The following PHF21A variants were observed in gnomAD, a reference collection of about 807,000 sequenced individuals.
PHF21A encodes the protein BHC80a.
Under a neutral mutation model 82.5 loss-of-function variants are expected in PHF21A, and 11 were observed. That is an observed-to-expected ratio of 0.13 (90% CI 0.08 to 0.22). The LOEUF is 0.22. PHF21A is among the 10% of genes least tolerant of loss of function. The probability of loss-of-function intolerance (pLI) is 1.00; values close to 1 mark genes in which losing one functional copy is unlikely to be tolerated. For synonymous variants in PHF21A, 297 were observed against 302.8 expected (o/e 0.98, Z 0.20); for missense variants, 579 against 837.8 (o/e 0.69, Z 3.81).
intron 6 of PHF21A, among the ~76,000 whole-genome samples, chr11:45,989,427 G>C (rs1321931313): frequency 6.7e-6 from 1 of 148,896 alleles, no homozygotes; most frequent in African/African-American, 2.5e-5. Context: ...GGCCGAAGTG[G>C]GCAGATCACA....
intron 6 of PHF21A, among the ~76,000 whole-genome samples, chr11:45,998,679 A>C (rs1032280781): frequency 6.6e-6 from 1 of 151,066 alleles, no homozygotes; most frequent in Admixed American, 6.6e-5. Flanking sequence ...TGCCCAGCTA[A>C]TTTTGTATTT....
intron 6 of PHF21A, among the ~76,000 whole-genome samples, chr11:46,000,716 T>TA (rs1411734321): frequency 1.3e-5 from 2 of 152,076 alleles, no homozygotes; most frequent in African/African-American, 4.8e-5. Context: ...GGTTTGGAGT[T>TA]AGAGACCAGC....
intron 6 of PHF21A, among the ~76,000 whole-genome samples, chr11:46,028,280 TG>T (rs2095792377): frequency 6.6e-6 from 1 of 152,190 alleles, no homozygotes; most frequent in African/African-American, 2.4e-5. Flanking sequence ...TTTAAAGTCA[TG>T]GTTCTTTTGA....
intron 6 of PHF21A, among the ~76,000 whole-genome samples, chr11:46,000,390 G>A (rs941307707): frequency 1.3e-5 from 2 of 152,168 alleles, no homozygotes; most frequent in African/African-American, 4.8e-5. Flanking sequence ...AGTACTCATA[G>A]CACTTCTGAA....
chr11:46,113,580 A>G (rs1340740044), intron 1 of PHF21A, among the ~76,000 whole-genome samples: 1 of 152,224 alleles, frequency 6.6e-6, no homozygotes, highest in Non-Finnish European at 1.5e-5. Context: ...CTGTAATCCC[A>G]ACACTTTAGG....
At chr11:46,037,565 C>T (rs889487676) in intron 6 of PHF21A, among the ~76,000 whole-genome samples, 6 of 149,146 alleles carry the variant, frequency 4.0e-5, no homozygotes, top group South Asian at 2.2e-4. Context: ...CGCTTGAATC[C>T]GGGAGCCGCC....
chr11:45,940,041 C>T (rs1208324659), intron 15 of PHF21A, among the ~76,000 whole-genome samples: 1 of 152,012 alleles, frequency 6.6e-6, no homozygotes, highest in Non-Finnish European at 1.5e-5. Context: ...TGATGTAATC[C>T]CTCCACCACC....
intron 6 of PHF21A, among the ~76,000 whole-genome samples, chr11:46,026,520 T>C (rs2138088867): frequency 6.6e-6 from 1 of 152,302 alleles, no homozygotes; most frequent in South Asian, 2.1e-4. Flanking sequence ...TTTTCTCTTG[T>C]GGAAAGCTTT....
intron 1 of PHF21A, among the ~76,000 whole-genome samples, chr11:46,102,191 C>T (rs1318996415): frequency 6.6e-6 from 1 of 152,170 alleles, no homozygotes; most frequent in African/African-American, 2.4e-5. Context: ...TCAAGTGATA[C>T]ACCAGCCTCG....
intron 10 of PHF21A, among the ~76,000 whole-genome samples, chr11:45,959,092 A>G (rs555199778): frequency 6.6e-6 from 1 of 152,328 alleles, no homozygotes; most frequent in East Asian, 1.9e-4. Context: ...CCAAGAGTGG[A>G]AGGGTGGTTC....
intron 1 of PHF21A, chr11:46,118,167 C>T (rs890728001): frequency 3.9e-5 from 6 of 152,124 alleles, no homozygotes; most frequent in Non-Finnish European, 8.8e-5. Context: ...AGGCCCCATC[C>T]ATCACTTATA....
intron 1 of PHF21A, among the ~76,000 whole-genome samples, chr11:46,104,473 G>C (rs1335610216): frequency 6.6e-6 from 1 of 152,082 alleles, no homozygotes; most frequent in African/African-American, 2.4e-5. Flanking sequence ...TATTTAGCAG[G>C]CTCTGTTAAA....
chr11:46,025,651 T>C (rs1253010626), intron 6 of PHF21A, among the ~76,000 whole-genome samples: 2 of 152,234 alleles, frequency 1.3e-5, no homozygotes, highest in East Asian at 3.8e-4. Flanking sequence ...AGAAAAGTTG[T>C]AATGGCACAG....
Position 45,999,724 on chromosome 11 carries a change from CTTAT to C in PHF21A, c.154-19762_154-19759del, listed in dbSNP as rs1417719689. Among the ~76,000 whole-genome samples the C allele has an allele frequency of 2.0e-5, 3 of 152,270 alleles. No homozygotes were observed. In the East Asian group the frequency reaches 5.8e-4, roughly 29 times the overall value. On this transcript the variant is annotated intron_variant, in intron 6 of 18. Transcript: ENST00000676320. ...TTTGAAAGGACCAAATATTATGTTA[CTTAT>C]TTAGTGATGACAAAGCACAGAGATG...
chr11:46,102,700 TTC>T (rs1004640474), intron 1 of PHF21A, among the ~76,000 whole-genome samples: 9 of 152,256 alleles, frequency 5.9e-5, no homozygotes, highest in African/African-American at 1.9e-4. Context: ...TATTTTTCTA[TTC>T]TCTCTCTTAG....
At chr11:46,071,552 T>A (rs193146008) in intron 6 of PHF21A, among the ~76,000 whole-genome samples, 1 of 152,334 alleles carries the variant, frequency 6.6e-6, no homozygotes, top group East Asian at 1.9e-4. Context: ...CAGTTAGGTA[T>A]AAGTACTGGC....
chr11:45,934,312 G>T, intron 18 of PHF21A, 87 bp from the exon 19 acceptor site: 2 of 1,338,884 alleles, frequency 1.5e-6, no homozygotes, highest in Non-Finnish European at 2.0e-6. Flanking sequence ...CCTTCTCTCT[G>T]CCCAGGGAGA....
intron 6 of PHF21A, among the ~76,000 whole-genome samples, chr11:46,075,486 T>C (rs2096714570): frequency 6.6e-6 from 1 of 152,184 alleles, no homozygotes; most frequent in African/African-American, 2.4e-5. Flanking sequence ...CTAACACACA[T>C]CATGTTGACT....
At chr11:45,968,326 A>G (rs1229895377) in intron 9 of PHF21A, among the ~76,000 whole-genome samples, 2 of 152,208 alleles carry the variant, frequency 1.3e-5, no homozygotes, top group East Asian at 3.8e-4. Flanking sequence ...GATAAGGCCC[A>G]GGTTCTTGCA....
Sources: allele counts gnomAD v4.1 joint callset (sites outside exome capture counted in the v4.1 genomes callset), GRCh38; gene constraint gnomAD v4.1.1; transcripts MANE v1.5; gene names NCBI Gene and HGNC (gene_info 2026-07-23, HGNC 2026-07-21).